HEXB: variants seen among roughly 807,000 people sequenced by gnomAD.
HEXB encodes hexosaminidase subunit beta.
Under a neutral mutation model 71.2 loss-of-function variants are expected in HEXB, and 51 were observed. The observed-to-expected ratio is 0.72, with a 90% CI of 0.57 to 0.90. The LOEUF is 0.90. HEXB is among the 40% of genes least tolerant of loss of function. HEXB has a pLI of 0.00. For synonymous variants in HEXB, 266 were observed against 249.3 expected, an observed-to-expected ratio of 1.07 and a Z score of -0.63; for missense variants, 617 against 677.0, an observed-to-expected ratio of 0.91 and a Z score of 0.98.
chr5:74,686,219 A>G (rs1013652482), intron 1 of HEXB, among the ~76,000 whole-genome samples: 1 of 152,142 alleles, frequency 6.6e-6, no homozygotes, highest in Admixed American at 6.5e-5. Flanking sequence ...AGACCCCTAG[A>G]TAGCGCCTCT....
chr5:74,663,216 GT>G (rs1748362289), intron 1 of HEXB, among the ~76,000 whole-genome samples: 1 of 151,438 alleles, frequency 6.6e-6, no homozygotes, highest in South Asian at 2.1e-4. Context: ...CGGTGGCGGA[GT>G]TTCGCTCTTG....
intron 1 of HEXB, among the ~76,000 whole-genome samples, chr5:74,665,418 G>C (rs1350202177): frequency 4.0e-5 from 6 of 150,194 alleles, no homozygotes; most frequent in African/African-American, 9.7e-5. Flanking sequence ...TTTTCTCTGT[G>C]TGTGTGTGTG....
chr5:74,685,551 GT>G lies in HEXB; in HGVS notation c.294del (p.Arg99AspfsTer55), dbSNP rs1748846183. ...GPSCTLLEEA[F>X]RRYHGYIFGF... Reference sequence around the variant, plus strand: ...CCTCCTGCACCCTGCTGGAGGAAGCGTTTCGACGGTGAGCGCTCCCGGCCCG... The same window carrying G: ...CCTCCTGCACCCTGCTGGAGGAAGCGTTCGACGGTGAGCGCTCCCGGCCCG... On this transcript the variant is annotated frameshift_variant, in exon 1 of 14. Transcript: ENST00000261416. LOFTEE classifies it high-confidence loss of function. 1 of 1,555,798 alleles carries G rather than the reference GT, an allele frequency of 6.4e-7. No individual in the cohort carries two copies. Among genetic ancestry groups the G allele is most frequent in the African/African-American group, 1.4e-5 (1 of 70,946 alleles).
chr5:74,689,229 C>A, intron 1 of HEXB, 99 bp from the exon 2 acceptor site: 1 of 888,660 alleles, frequency 1.1e-6, no homozygotes, highest in Non-Finnish European at 1.9e-6. Context: ...CAATGGGCAG[C>A]ATGGATTTGA....
intron 1 of HEXB, among the ~76,000 whole-genome samples, chr5:74,643,261 G>C (rs1480847893): frequency 6.6e-6 from 1 of 152,060 alleles, no homozygotes; most frequent in Admixed American, 6.6e-5. Flanking sequence ...CAATTCAAAC[G>C]GTGTAATCCC....
At chr5:74,708,554 G>T (rs951326480) in intron 6 of HEXB, among the ~76,000 whole-genome samples, 16 of 152,130 alleles carry the variant, frequency 1.1e-4, no homozygotes, top group African/African-American at 1.9e-4. Context: ...CCATCTCACG[G>T]GCAGAGACAC....
chr5:74,662,971 C>A (rs58047404), intron 1 of HEXB, among the ~76,000 whole-genome samples: 3 of 151,902 alleles, frequency 2.0e-5, no homozygotes, highest in African/African-American at 7.3e-5. Flanking sequence ...AGTAATTTCC[C>A]CTCCCCACCA....
chr5:74,653,140 CAG>C (rs1455878731), intron 1 of HEXB, among the ~76,000 whole-genome samples: 3 of 152,212 alleles, frequency 2.0e-5, no homozygotes, highest in South Asian at 4.1e-4. Context: ...CACACACATG[CAG>C]AGTCATTGTG....
At position 74,698,139 on chromosome 5, in the gene HEXB, G is replaced by A. The variant is rs943539478; in HGVS notation, c.669+1033G>A. Among the ~76,000 whole-genome samples, 24 of 151,744 alleles carry A rather than the reference G, an allele frequency of 1.6e-4. No homozygotes were observed. In the East Asian group the frequency reaches 2.1e-3, roughly 13 times the overall value. Reference sequence around the variant, plus strand: ...GTTGCCCAGGCTGGAGTGCAATGGCGCGATCTCGGCTCACTGCAACCTCTG... The same window carrying A: ...GTTGCCCAGGCTGGAGTGCAATGGCACGATCTCGGCTCACTGCAACCTCTG... On this transcript the variant is annotated intron_variant, in intron 5 of 13. Transcript: ENST00000261416.
intron 5 of HEXB, among the ~76,000 whole-genome samples, chr5:74,704,694 T>G (rs1749340309): frequency 6.6e-6 from 1 of 152,214 alleles, no homozygotes; most frequent in South Asian, 2.1e-4. Context: ...CAACTCACCG[T>G]CTAGAATAAA....
At chr5:74,685,856 C>G (rs1355222288) in intron 1 of HEXB, among the ~76,000 whole-genome samples, 1 of 152,036 alleles carries the variant, frequency 6.6e-6, no homozygotes, top group Non-Finnish European at 1.5e-5. Flanking sequence ...GAGGGGACAC[C>G]GGAGCTGGGG....
chr5:74,679,199 T>C (rs570722225), intron 1 of HEXB, among the ~76,000 whole-genome samples: 216 of 152,332 alleles, frequency 1.4e-3, no homozygotes, highest in Non-Finnish European at 2.7e-3. Context: ...GATTTTGGAA[T>C]CTGGCAGTGG....
intron 1 of HEXB, among the ~76,000 whole-genome samples, chr5:74,674,785 A>AT (rs1336992297): frequency 2.0e-5 from 3 of 152,080 alleles, no homozygotes; most frequent in Admixed American, 2.0e-4. Context: ...GGCTTAAGGC[A>AT]TTTTTGGAGG....
chr5:74,720,833 C>T, intron 13 of HEXB, 86 bp downstream of exon 13: 2 of 1,072,450 alleles, frequency 1.9e-6, no homozygotes, highest in Non-Finnish European at 2.8e-6. Context: ...TGTATGTTAC[C>T]TAACAAATAG....
chr5:74,699,712 C>G (rs1001921788), intron 5 of HEXB, among the ~76,000 whole-genome samples: 17 of 152,076 alleles, frequency 1.1e-4, no homozygotes, highest in Admixed American at 3.3e-4. Flanking sequence ...AAGATTATTT[C>G]TGGAGGATAA....
chr5:74,689,572 A>C, intron 2 of HEXB, 99 bp downstream of exon 2: 1 of 941,472 alleles, frequency 1.1e-6, no homozygotes, highest in South Asian at 1.3e-5. Context: ...CTGAGTTCTC[A>C]ACCAGTGAGT....
In HEXB at chr5:74,654,025, T is replaced by C. The variant is rs552839242; in HGVS notation, c.-377+13467T>C. ...TCCTATGGACGCCAGCTTGAGGGGCTCCAGGTGTAGACAGTGAGTCCTCCC... is the reference window on the plus strand; with the variant it reads ...TCCTATGGACGCCAGCTTGAGGGGCCCCAGGTGTAGACAGTGAGTCCTCCC... On this transcript the variant is annotated intron_variant, in intron 1 of 13. Transcript: ENST00000511181. 4.6e-5 allele frequency among the ~76,000 whole-genome samples: 7 copies of C among 152,180 alleles called. No individual in the cohort carries two copies. The East Asian group carries it at 1.2e-3, about 25-fold the overall frequency.
intron 5 of HEXB, among the ~76,000 whole-genome samples, chr5:74,697,905 G>A (rs966791446): frequency 7.2e-5 from 11 of 151,868 alleles, no homozygotes; most frequent in Non-Finnish European, 1.3e-4. Flanking sequence ...GGTGGTATGG[G>A]TTAGGAAGAA....
At chr5:74,709,837 C>T (rs890875263) in intron 6 of HEXB, among the ~76,000 whole-genome samples, 5 of 152,144 alleles carry the variant, frequency 3.3e-5, no homozygotes, top group African/African-American at 9.7e-5. Context: ...GATGGATTCA[C>T]AGCCGAATTC....
Sources: allele counts gnomAD v4.1 joint callset (sites outside exome capture counted in the v4.1 genomes callset), GRCh38; gene constraint gnomAD v4.1.1; transcripts MANE v1.5; gene names NCBI Gene and HGNC (gene_info 2026-07-23, HGNC 2026-07-21).